Variants in CADPS observed in about 807,000 individuals in gnomAD.
CADPS encodes the protein calcium dependent secretion activator, also known as calcium-dependent secretion activator 1.
In CADPS, 57 loss-of-function variants were observed where a neutral mutation model predicts 167.3. The observed-to-expected ratio is 0.34, with a 90% CI of 0.28 to 0.42. The LOEUF is 0.42. Among genes scored for constraint, CADPS ranks in the 20% least tolerant of loss-of-function variants. The probability of loss-of-function intolerance (pLI) is 1.00; values close to 1 mark genes in which losing one functional copy is unlikely to be tolerated. For synonymous variants in CADPS, 676 were observed against 635.3 expected (o/e 1.06, Z -0.96); for missense variants, 1,414 against 1,738.1 (o/e 0.81, Z 3.32).
chr3:62,852,406 C>T (rs889734894), intron 1 of CADPS, among the ~76,000 whole-genome samples: 5 of 152,090 alleles, frequency 3.3e-5, no homozygotes, highest in Admixed American at 6.6e-5. Context: ...TGTTCCTATT[C>T]GGCCATCTTG....
chr3:62,786,671 G>GCA (rs142291548), intron 1 of CADPS, among the ~76,000 whole-genome samples: 10,270 of 151,584 alleles, frequency 0.068, 1,053 homozygotes, highest in African/African-American at 0.22. Context: ...ATGCACATGT[G>GCA]CACACACACA....
intron 6 of CADPS, among the ~76,000 whole-genome samples, chr3:62,622,833 TA>T: frequency 6.6e-6 from 1 of 152,208 alleles, no homozygotes; most frequent in Non-Finnish European, 1.5e-5. Flanking sequence ...AGGCCTGCGC[TA>T]AAATTCAGCC....
chr3:62,736,034 G>A (rs1025665133), intron 3 of CADPS, among the ~76,000 whole-genome samples: 3 of 152,162 alleles, frequency 2.0e-5, no homozygotes, highest in African/African-American at 7.2e-5. Flanking sequence ...GGGGGAATCA[G>A]TTTTAGAGAT....
chr3:62,727,446 G>A (rs1386631782), intron 3 of CADPS, among the ~76,000 whole-genome samples: 1 of 151,864 alleles, frequency 6.6e-6, no homozygotes, highest in Non-Finnish European at 1.5e-5. Context: ...GAGCATTGTT[G>A]ATTTTACAGG....
In CADPS at chr3:62,421,644, G is replaced by A. The variant is rs528128116; in HGVS notation, c.3777+16460C>T. 2.2e-4 allele frequency among the ~76,000 whole-genome samples: 33 copies of A among 152,170 alleles called. 1 individual carries two copies. In the South Asian group the frequency reaches 3.9e-3, roughly 18 times the overall value. On this transcript the variant is annotated intron_variant, in intron 28 of 29. Transcript: ENST00000383710. This position sits in a 1 kb window ranked among gnomAD's most constrained non-coding sequence, Gnocchi z 4.7. ...GCTTCGTTCCCCCACCCCTCCTGAC[G>A]CTTCCCCCTTTTCCCCCCAAAGGAG...
chr3:62,527,599 TG>T (rs1311672792), intron 13 of CADPS, among the ~76,000 whole-genome samples: 5 of 152,152 alleles, frequency 3.3e-5, no homozygotes, highest in Non-Finnish European at 7.3e-5. Context: ...CTACAGTAAC[TG>T]TGATTCACAG....
intron 3 of CADPS, among the ~76,000 whole-genome samples, chr3:62,700,959 A>C (rs1166018639): frequency 1.3e-5 from 2 of 152,076 alleles, no homozygotes; most frequent in African/African-American, 4.8e-5. Context: ...TGCCCCCTTC[A>C]GGCTTGCAGA....
intron 3 of CADPS, among the ~76,000 whole-genome samples, chr3:62,728,547 C>T (rs1201363057): frequency 6.6e-6 from 1 of 151,868 alleles, no homozygotes; most frequent in Non-Finnish European, 1.5e-5. Context: ...GCACCCACCT[C>T]AAATATGGCA....
At chr3:62,529,075 C>T (rs1235187752) in intron 13 of CADPS, among the ~76,000 whole-genome samples, 8 of 152,074 alleles carry the variant, frequency 5.3e-5, no homozygotes, top group African/African-American at 1.9e-4. Flanking sequence ...GCAGGAGAAT[C>T]GCTTGAGCTC....
At position 62,631,450 on chromosome 3, in the gene CADPS, T is replaced by C. The variant is rs73092268; in HGVS notation, c.1325+14272A>G. 7.1e-3 allele frequency among the ~76,000 whole-genome samples: 1,084 copies of C among 152,316 alleles called. 5 individuals carry two copies. Among genetic ancestry groups the C allele is most frequent in the Non-Finnish European group, 0.013 (912 of 68,024 alleles). ...ACCTGGAAAATTCCCACAATGATTG[T>C]GTTTGTTTCATGTGCATTTCTCTGA... On this transcript the variant is annotated intron_variant, in intron 6 of 29. Coordinates refer to ENST00000383710, the MANE Select transcript of CADPS (RefSeq NM_003716.4).
At chr3:62,583,156 TC>T (rs2148542444) in intron 8 of CADPS, among the ~76,000 whole-genome samples, 1 of 498 alleles carries the variant, frequency 2.0e-3, no homozygotes, top group Admixed American at 0.042. Flanking sequence ...ACCCTCTTTG[TC>T]TCTCTCTCTC....
chr3:62,487,586 A>G (rs186806288), intron 21 of CADPS, among the ~76,000 whole-genome samples: 14 of 152,354 alleles, frequency 9.2e-5, no homozygotes, highest in Admixed American at 4.6e-4. Context: ...GATTCTAACC[A>G]TGACTGTGTC....
chr3:62,676,045 C>CAA (rs1374054916), intron 3 of CADPS, among the ~76,000 whole-genome samples: 1 of 151,956 alleles, frequency 6.6e-6, no homozygotes, highest in Non-Finnish European at 1.5e-5. Flanking sequence ...CTTACTTTCA[C>CAA]AAAAAAGTAA....
At position 62,478,363 on chromosome 3, in the gene CADPS, G is replaced by A; in HGVS notation, c.3227C>T (p.Thr1076Ile). ...AGGCCAGTGCAGGTCCCGAATGAAG[G>A]TCTGAAGGGCGTCAAGTTTCCAAAA... ...DLFWKLDALQ[T>I]FIRDLHWPEE... Residue 1076 changes from threonine to isoleucine, a missense_variant, in exon 23 of 30, where the codon ACC becomes ATC. Thr to Ile is a moderately conservative substitution (Grantham distance 89, BLOSUM62 -1). Around this residue, in one of 6 missense-constraint regions of CADPS, gnomAD observed 529 missense variants for 629.6 expected, o/e 0.84. Transcript: ENST00000383710. The surrounding 1 kb of genome is among the most constrained non-coding windows in gnomAD (Gnocchi z 5.7). The A allele has an allele frequency of 6.2e-7, 1 of 1,613,840 alleles. No homozygotes were observed. Among genetic ancestry groups the A allele is most frequent in the Non-Finnish European group, 8.5e-7 (1 of 1,179,808 alleles).
In CADPS at chr3:62,674,776, C is replaced by T. The variant is rs1473290822; in HGVS notation, c.889-12382G>A. On this transcript the variant is annotated intron_variant, in intron 3 of 29. Transcript: ENST00000383710. The stretch of plus-strand genomic sequence containing the variant: ...GTATCAGGGGTATCATCTACTTTAA[C>T]ACATGAGACAGTTCTTATTTGTTGG... Among the ~76,000 whole-genome samples the T allele has an allele frequency of 2.0e-5, 3 of 152,262 alleles. No individual in the cohort carries two copies. In the East Asian group the frequency reaches 5.8e-4, roughly 29 times the overall value.
chr3:62,699,165 C>T (rs1246367358), intron 3 of CADPS, among the ~76,000 whole-genome samples: 1 of 151,996 alleles, frequency 6.6e-6, no homozygotes, highest in African/African-American at 2.4e-5. Flanking sequence ...ATTCTCATGC[C>T]TTTGCATCCT....
At chr3:62,745,104 A>G (rs1001218043) in intron 3 of CADPS, among the ~76,000 whole-genome samples, 2 of 151,786 alleles carry the variant, frequency 1.3e-5, no homozygotes, top group East Asian at 3.9e-4. Context: ...TTTTTTTGAG[A>G]CAGGGTCTTG....
At chr3:62,642,660 A>G (rs2067658450) in intron 6 of CADPS, among the ~76,000 whole-genome samples, 2 of 152,186 alleles carry the variant, frequency 1.3e-5, no homozygotes, top group Non-Finnish European at 2.9e-5. Context: ...GAATCCTTGT[A>G]CTTTGGGAGG....
chr3:62,709,606 T>C (rs547947215), intron 3 of CADPS, among the ~76,000 whole-genome samples: 50 of 152,094 alleles, frequency 3.3e-4, no homozygotes, highest in African/African-American at 1.0e-3. Context: ...ACCTAGCTTA[T>C]TTACTGTTCC....
Sources: allele counts gnomAD v4.1 joint callset (sites outside exome capture counted in the v4.1 genomes callset), GRCh38; gene constraint gnomAD v4.1.1; regional missense constraint gnomAD v4.1.1; non-coding constraint Gnocchi (gnomAD v3.1); transcripts MANE v1.5; gene names NCBI Gene and HGNC (gene_info 2026-07-23, HGNC 2026-07-21).